DLGAP2: variants seen among roughly 807,000 people sequenced by gnomAD.
The protein encoded by DLGAP2 is disks large-associated protein 2.
Under a neutral mutation model 100.3 loss-of-function variants are expected in DLGAP2, and 26 were observed. The ratio of observed to expected loss-of-function variants is 0.26; its 90% CI spans 0.19 to 0.36. DLGAP2 has a LOEUF of 0.36. Among genes scored for constraint, DLGAP2 ranks in the 10% least tolerant of loss-of-function variants. DLGAP2 has a pLI of 1.00. For synonymous variants in DLGAP2, 886 were observed against 630.1 expected (o/e 1.41, Z -6.08); for missense variants, 1,858 against 1,453.2 (o/e 1.28, Z -4.53).
intron 2 of DLGAP2, among the ~76,000 whole-genome samples, chr8:1,155,956 C>T (rs1283988894): frequency 6.6e-6 from 1 of 152,176 alleles, no homozygotes; most frequent in Admixed American, 6.5e-5. Flanking sequence ...GGTGGGCGTC[C>T]CGTTCCTGCG....
At chr8:1,093,383 A>T (rs1426000127) in intron 2 of DLGAP2, among the ~76,000 whole-genome samples, 1 of 151,374 alleles carries the variant, frequency 6.6e-6, no homozygotes, top group East Asian at 1.9e-4. Context: ...TCACACCAAC[A>T]GCCAGACCGA....
At chr8:1,683,357 C>G (rs959631334) in intron 12 of DLGAP2, among the ~76,000 whole-genome samples, 1 of 151,392 alleles carries the variant, frequency 6.6e-6, no homozygotes, top group Non-Finnish European at 1.5e-5. Flanking sequence ...ACAGAGGCCC[C>G]TTTGTCTCCT....
At chr8:1,420,250 G>C (rs1274641283) in intron 3 of DLGAP2, among the ~76,000 whole-genome samples, 1 of 152,116 alleles carries the variant, frequency 6.6e-6, no homozygotes, top group Non-Finnish European at 1.5e-5. Flanking sequence ...TTGAAGGGCT[G>C]GCTGGGAATG....
chr8:863,638 G>A (rs748297004), intron 1 of DLGAP2, among the ~76,000 whole-genome samples: 8 of 152,116 alleles, frequency 5.3e-5, no homozygotes, highest in African/African-American at 9.7e-5. Flanking sequence ...TCAGCACCGC[G>A]GATCATCGGG....
chr8:1,003,338 C>G (rs932108223), intron 2 of DLGAP2: 1 of 152,228 alleles, frequency 6.6e-6, no homozygotes, highest in Non-Finnish European at 1.5e-5. Flanking sequence ...TCATGGGTGG[C>G]CCGACGGGGG....
intron 2 of DLGAP2, among the ~76,000 whole-genome samples, chr8:955,874 G>T (rs931435681): frequency 1.3e-5 from 2 of 152,158 alleles, no homozygotes; most frequent in African/African-American, 4.8e-5. Flanking sequence ...GGAACAACAA[G>T]GGGTGGCGGC....
intron 2 of DLGAP2, among the ~76,000 whole-genome samples, chr8:936,192 G>T (rs1020173311): frequency 6.6e-6 from 1 of 152,176 alleles, no homozygotes; most frequent in African/African-American, 2.4e-5. Context: ...GCCTCTGTAG[G>T]AGTCTGTGTG....
chr8:741,314 G>A (rs554111197), intron 1 of DLGAP2, among the ~76,000 whole-genome samples: 23 of 152,300 alleles, frequency 1.5e-4, no homozygotes, highest in Admixed American at 7.8e-4. Context: ...AGGCTTAACA[G>A]CAGTAACAAA....
At chr8:839,952 C>G (rs1333729975) in intron 1 of DLGAP2, among the ~76,000 whole-genome samples, 1 of 151,632 alleles carries the variant, frequency 6.6e-6, no homozygotes, top group Non-Finnish European at 1.5e-5. Flanking sequence ...ACCTGCATGT[C>G]TCCGTACACT....
At chr8:1,519,255 T>C (rs1015253420) in intron 4 of DLGAP2, among the ~76,000 whole-genome samples, 8 of 152,164 alleles carry the variant, frequency 5.3e-5, no homozygotes, top group Admixed American at 5.2e-4. Flanking sequence ...CGCAGCGGCA[T>C]GTCCCATCCT....
chr8:1,250,006 G>C (rs1003698557), intron 2 of DLGAP2, among the ~76,000 whole-genome samples: 3 of 152,054 alleles, frequency 2.0e-5, no homozygotes, highest in African/African-American at 7.2e-5. Flanking sequence ...TCAGCCTCCC[G>C]AGTAGCTGAG....
intron 3 of DLGAP2, among the ~76,000 whole-genome samples, chr8:1,470,020 A>G (rs734733): frequency 0.41 from 62,224 of 151,086 alleles, 13,128 homozygotes; most frequent in Non-Finnish European, 0.46. Flanking sequence ...AAATTAGCCA[A>G]GCCTGGTGGT....
intron 4 of DLGAP2, among the ~76,000 whole-genome samples, chr8:1,517,848 C>A (rs1048581695): frequency 6.6e-6 from 1 of 152,172 alleles, no homozygotes; most frequent in African/African-American, 2.4e-5. Flanking sequence ...GATAGTGTGG[C>A]CCTGGGGGCA....
intron 5 of DLGAP2, among the ~76,000 whole-genome samples, chr8:1,557,522 A>AG (rs2130546968): frequency 6.6e-6 from 1 of 152,210 alleles, no homozygotes; most frequent in East Asian, 1.9e-4. Context: ...GTGTGAACTC[A>AG]GGGGTCTCCG....
intron 1 of DLGAP2, among the ~76,000 whole-genome samples, chr8:876,614 A>G (rs1429573636): frequency 6.6e-6 from 1 of 151,388 alleles, no homozygotes; most frequent in Non-Finnish European, 1.5e-5. Context: ...TCTGTTTGTA[A>G]CTCTCTTTGC....
chr8:1,027,280 C>G (rs2129026738), intron 2 of DLGAP2, among the ~76,000 whole-genome samples: 1 of 152,376 alleles, frequency 6.6e-6, no homozygotes, highest in South Asian at 2.1e-4. Flanking sequence ...GCCCGTGGTG[C>G]TGCAGGTGAG....
chr8:1,054,802 C>A (rs1802828401), intron 2 of DLGAP2, among the ~76,000 whole-genome samples: 1 of 152,164 alleles, frequency 6.6e-6, no homozygotes, highest in African/African-American at 2.4e-5. Flanking sequence ...GGCTGAGATT[C>A]AATTACTCTC....
intron 1 of DLGAP2, among the ~76,000 whole-genome samples, chr8:787,271 C>A (rs561249488): frequency 6.6e-6 from 1 of 152,176 alleles, no homozygotes; most frequent in African/African-American, 2.4e-5. Flanking sequence ...CAGAGCCTGA[C>A]GCGTCTGTTC....
chr8:1,140,913 G>T (rs543130684), intron 2 of DLGAP2, among the ~76,000 whole-genome samples: 2 of 152,328 alleles, frequency 1.3e-5, no homozygotes, highest in African/African-American at 2.4e-5. Flanking sequence ...GAACCGGGGG[G>T]TGGAGGTTGC....
Sources: allele counts gnomAD v4.1 joint callset (sites outside exome capture counted in the v4.1 genomes callset), GRCh38; gene constraint gnomAD v4.1.1; transcripts MANE v1.5; gene names NCBI Gene and HGNC (gene_info 2026-07-23, HGNC 2026-07-21).